The following KCNB2 variants were observed in gnomAD, a reference collection of about 807,000 sequenced individuals.
KCNB2 encodes delayed rectifier potassium channel protein.
Under a neutral mutation model 61.5 loss-of-function variants are expected in KCNB2, and 15 were observed. That is an observed-to-expected ratio of 0.24 (90% CI 0.16 to 0.38). KCNB2 has a LOEUF of 0.38. KCNB2 is among the 10% of genes least tolerant of loss of function. KCNB2 has a pLI of 1.00. For synonymous variants in KCNB2, 457 were observed against 446.0 expected (o/e 1.02, Z -0.31); for missense variants, 828 against 1,125.2 (o/e 0.74, Z 3.78).
At chr8:72,549,068 A>G (rs546761252) in intron 1 of KCNB2, among the ~76,000 whole-genome samples, 24 of 152,278 alleles carry the variant, frequency 1.6e-4, no homozygotes, top group African/African-American at 5.8e-4. Flanking sequence ...TCGTTTTTTA[A>G]TACTTTGCTA....
At chr8:72,691,644 A>G (rs1298225635) in intron 2 of KCNB2, among the ~76,000 whole-genome samples, 2 of 152,214 alleles carry the variant, frequency 1.3e-5, no homozygotes, top group Non-Finnish European at 2.9e-5. Flanking sequence ...CAAATGGAGA[A>G]CCTGGCAGTT....
At chr8:72,626,057 T>G (rs1445347033) in intron 2 of KCNB2, among the ~76,000 whole-genome samples, 2 of 152,192 alleles carry the variant, frequency 1.3e-5, no homozygotes, top group African/African-American at 2.4e-5. Flanking sequence ...GAAAGACCAT[T>G]GTCTAAAAGA....
intron 2 of KCNB2, among the ~76,000 whole-genome samples, chr8:72,692,897 C>G (rs1304669242): frequency 6.6e-6 from 1 of 151,176 alleles, no homozygotes; most frequent in African/African-American, 2.4e-5. Flanking sequence ...AGAACAAAGC[C>G]TAGGTCTTTG....
At chr8:72,573,280 G>T (rs964246861) in intron 2 of KCNB2, among the ~76,000 whole-genome samples, 3 of 152,184 alleles carry the variant, frequency 2.0e-5, no homozygotes, top group Admixed American at 2.0e-4. Flanking sequence ...AATGAAAAAT[G>T]AAGGAAGGCA....
intron 2 of KCNB2, among the ~76,000 whole-genome samples, chr8:72,578,641 A>G (rs1806842536): frequency 6.6e-6 from 1 of 152,226 alleles, no homozygotes; most frequent in Admixed American, 6.5e-5. Flanking sequence ...AGTCACACAC[A>G]CCTTTTAAAA....
At chr8:72,803,051 GAC>G (rs1254612040) in intron 2 of KCNB2, among the ~76,000 whole-genome samples, 1 of 152,158 alleles carries the variant, frequency 6.6e-6, no homozygotes, top group Non-Finnish European at 1.5e-5. Context: ...GCCACCATGA[GAC>G]ACATCCTCAC....
rs182660930 is a variant in KCNB2 at position 72,730,419 on chromosome 8, A to G, written c.579+162106A>G. On this transcript the variant is annotated intron_variant, in intron 2 of 2. Transcript: ENST00000523207. ...ATTGAATACTAAAATCATATTAGGA[A>G]ATAACAGTGTATCATGCTTATCTTA... is the stretch of plus-strand genomic sequence containing the variant. Among the ~76,000 whole-genome samples, 1,252 of 152,342 alleles carry G rather than the reference A, an allele frequency of 8.2e-3. 6 individuals carry two copies. The highest frequency in any genetic ancestry group is 0.014 in the Non-Finnish European group (953 of 68,030).
intron 1 of KCNB2, among the ~76,000 whole-genome samples, chr8:72,561,376 C>T (rs1241841707): frequency 1.3e-5 from 2 of 151,444 alleles, no homozygotes; most frequent in Non-Finnish European, 2.9e-5. Flanking sequence ...AGGATGGTCT[C>T]GATCTCTTGA....
At chr8:72,765,671 T>C (rs935387971) in intron 2 of KCNB2, among the ~76,000 whole-genome samples, 1 of 152,206 alleles carries the variant, frequency 6.6e-6, no homozygotes, top group Non-Finnish European at 1.5e-5. Flanking sequence ...TATCAAATAA[T>C]CAATATACTG....
rs548502850 is a variant in KCNB2, at chr8:72,598,182, A to G, written c.579+29869A>G. Among the ~76,000 whole-genome samples the G allele has an allele frequency of 7.9e-5, 12 of 151,520 alleles. No individual in the cohort carries two copies. In the East Asian group the frequency reaches 2.1e-3, roughly 27 times the overall value. ...TTTTAGACCAATATCCTTGATGAAC[A>G]TTGATGCAAAAATCCTCAATAAAAT... On this transcript the variant is annotated intron_variant, in intron 2 of 2. Transcript: ENST00000523207.
intron 2 of KCNB2, among the ~76,000 whole-genome samples, chr8:72,602,281 T>A (rs16938251): frequency 0.1 from 15,666 of 152,142 alleles, 1,379 homozygotes; most frequent in East Asian, 0.47. Flanking sequence ...CAGCCTAAAT[T>A]TGGGGAGGTG....
chr8:72,610,426 G>A (rs967526729), intron 2 of KCNB2, among the ~76,000 whole-genome samples: 1 of 152,054 alleles, frequency 6.6e-6, no homozygotes, highest in Non-Finnish European at 1.5e-5. Flanking sequence ...TCTTATTTAT[G>A]CTCACCAAGT....
intron 1 of KCNB2, among the ~76,000 whole-genome samples, chr8:72,547,152 A>AT (rs1247266083): frequency 3.3e-5 from 5 of 152,216 alleles, no homozygotes; most frequent in Admixed American, 1.3e-4. Flanking sequence ...GTTTACTGAT[A>AT]TTTTAAGCCC....
chr8:72,540,912 T>C (rs1413746815), intron 1 of KCNB2, among the ~76,000 whole-genome samples: 2 of 151,948 alleles, frequency 1.3e-5, no homozygotes, highest in African/African-American at 4.8e-5. Context: ...ACTAAATATA[T>C]ATATATAAGG....
chr8:72,744,699 G>A (rs1278676077), intron 2 of KCNB2, among the ~76,000 whole-genome samples: 1 of 152,106 alleles, frequency 6.6e-6, no homozygotes, highest in Non-Finnish European at 1.5e-5. Flanking sequence ...AGAAGGAACT[G>A]CCACGTGAAT....
Position 72,578,538 on chromosome 8 carries a change from A to T in KCNB2, c.579+10225A>T, listed in dbSNP as rs577546338. 2.7e-3 allele frequency among the ~76,000 whole-genome samples: 407 copies of T among 152,324 alleles called. 2 individuals carry two copies. Among genetic ancestry groups the T allele is most frequent in the African/African-American group, 8.1e-3 (336 of 41,582 alleles). Reference sequence around the variant, plus strand: ...GTAATATTAAAATTCAAAGCAAAAAAAATCGGTTTTAAGCCCTGGTCTTTA... The same window carrying T: ...GTAATATTAAAATTCAAAGCAAAAATAATCGGTTTTAAGCCCTGGTCTTTA... On this transcript the variant is annotated intron_variant, in intron 2 of 2. Coordinates refer to ENST00000523207, the MANE Select transcript of KCNB2 (RefSeq NM_004770.3).
At chr8:72,615,659 C>T (rs891936474) in intron 2 of KCNB2, among the ~76,000 whole-genome samples, 1 of 152,094 alleles carries the variant, frequency 6.6e-6, no homozygotes, top group African/African-American at 2.4e-5. Context: ...TTACTAAGAG[C>T]GAATAATGTG....
At chr8:72,917,580 A>G (rs1191749782) in intron 2 of KCNB2, among the ~76,000 whole-genome samples, 2 of 152,230 alleles carry the variant, frequency 1.3e-5, no homozygotes, top group Non-Finnish European at 2.9e-5. Flanking sequence ...TTTTGGTTTC[A>G]GTTCAAACAA....
intron 2 of KCNB2, among the ~76,000 whole-genome samples, chr8:72,791,142 A>C (rs550930194): frequency 6.6e-6 from 1 of 152,080 alleles, no homozygotes; most frequent in Admixed American, 6.6e-5. Flanking sequence ...GATGTTAGAG[A>C]CTCAGGCAGT....
Sources: allele counts gnomAD v4.1 joint callset (sites outside exome capture counted in the v4.1 genomes callset), GRCh38; gene constraint gnomAD v4.1.1; transcripts MANE v1.5; gene names NCBI Gene and HGNC (gene_info 2026-07-23, HGNC 2026-07-21).